Variants in GASK1A observed in about 807,000 individuals in gnomAD.
The protein encoded by GASK1A is Golgi-associated kinase 1A.
A neutral mutation model predicts 41.2 loss-of-function variants in GASK1A; 40 were observed. The observed-to-expected ratio is 0.97, with a 90% confidence interval of 0.75 to 1.27. The LOEUF is 1.27. Ranked by LOEUF, GASK1A falls within the 50% of genes most tolerant of loss-of-function variation. The pLI is 0.00. For missense variants in GASK1A, 678 were observed against 745.1 expected, an observed-to-expected ratio of 0.91 and a Z score of 1.05; for synonymous variants, 316 against 307.1, an observed-to-expected ratio of 1.03 and a Z score of -0.30.
intron 1 of GASK1A, among the ~76,000 whole-genome samples, chr3:43,027,265 C>G (rs2089551181): frequency 6.6e-6 from 1 of 152,052 alleles, no homozygotes. Context: ...AGTGTGCATA[C>G]AATATATTAA....
intron 3 of GASK1A, chr3:43,053,854 G>C (rs1462029040): frequency 1.6e-5 from 11 of 685,862 alleles, no homozygotes; most frequent in Admixed American, 1.2e-4. Flanking sequence ...TGCCTGAGGA[G>C]GGGTGTGGGG....
intron 1 of GASK1A, among the ~76,000 whole-genome samples, chr3:42,980,168 T>C (rs995714815): frequency 6.6e-6 from 1 of 152,184 alleles, no homozygotes; most frequent in Non-Finnish European, 1.5e-5. Flanking sequence ...CAATCCGCCT[T>C]CCTCTACCTC....
Position 43,046,372 on chromosome 3 carries a change from A to G in GASK1A, c.1291-7149A>G, listed in dbSNP as rs913336216. On this transcript the variant is annotated intron_variant, in intron 2 of 4. Coordinates refer to ENST00000430121, the MANE Select transcript of GASK1A (RefSeq NM_001129908.3). The stretch of plus-strand genomic sequence containing the variant: ...ACTGGCGGCATTTTGCCCCTGCCCT[A>G]GAGATCTGTGGAACTTTGAACTTGA... 5.9e-5 allele frequency among the ~76,000 whole-genome samples: 9 copies of G among 152,360 alleles called. No homozygotes were observed. In the South Asian group the frequency reaches 6.2e-4, roughly 11 times the overall value.
intron 1 of GASK1A, among the ~76,000 whole-genome samples, chr3:43,021,360 C>T (rs1205954771): frequency 6.6e-6 from 1 of 152,190 alleles, no homozygotes; most frequent in African/African-American, 2.4e-5. Flanking sequence ...CTTCAGCAGA[C>T]AGTGAGAACT....
intron 1 of GASK1A, among the ~76,000 whole-genome samples, chr3:42,983,453 A>G (rs1461390440): frequency 2.0e-5 from 3 of 152,064 alleles, no homozygotes; most frequent in Non-Finnish European, 4.4e-5. Context: ...TTTACCCTCA[A>G]GTAGTTTTCT....
At position 42,984,296 on chromosome 3, in the gene GASK1A, A is replaced by C. The variant is rs201260724; in HGVS notation, c.3+4651A>C. ...CTTCTTTATGTGGATTTCACTTCCT[A>C]TCTCTCTCTCTCTCTCTTTCTCTCT... On this transcript the variant is annotated intron_variant, in intron 1 of 4. Transcript: ENST00000430121. This position sits in a 1 kb window ranked among gnomAD's most constrained non-coding sequence, Gnocchi z 4.2. Among the ~76,000 whole-genome samples the C allele has an allele frequency of 2.1e-4, 31 of 149,628 alleles. No individual in the cohort carries two copies. Among genetic ancestry groups the C allele is most frequent in the African/African-American group, 7.4e-4 (30 of 40,648 alleles).
chr3:42,991,399 TTAGA>T (rs1057158532), intron 1 of GASK1A, among the ~76,000 whole-genome samples: 1 of 152,088 alleles, frequency 6.6e-6, no homozygotes, highest in African/African-American at 2.4e-5. Context: ...CTCCATGCAC[TTAGA>T]TATATTATTC....
At chr3:43,042,194 C>T (rs1003974037) in intron 2 of GASK1A, among the ~76,000 whole-genome samples, 2 of 151,532 alleles carry the variant, frequency 1.3e-5, no homozygotes, top group African/African-American at 4.9e-5. Context: ...TCAGGTCAGG[C>T]GCAGTGGCTT....
rs71615418 is a variant in GASK1A, at chr3:42,997,440, G to C, written c.3+17795G>C. ...CGCATGAGAGAGAGACAGAGAGAGG[G>C]GGGGGGGATCTGGGATCCTTAGAAA... On this transcript the variant is annotated intron_variant, in intron 1 of 4. Transcript: ENST00000430121. Among the ~76,000 whole-genome samples the C allele has an allele frequency of 2.1e-3, 314 of 151,120 alleles. 8 individuals carry two copies. In the South Asian group the frequency reaches 0.062, roughly 30 times the overall value.
At chr3:43,054,539 G>A (rs1369064999) in intron 3 of GASK1A, among the ~76,000 whole-genome samples, 1 of 152,184 alleles carries the variant, frequency 6.6e-6, no homozygotes, top group Non-Finnish European at 1.5e-5. Context: ...CATGTGGAGT[G>A]GGGTGAGAAA....
At position 43,055,550 on chromosome 3, in the gene GASK1A, G is replaced by T. The variant is rs1305187112; in HGVS notation, c.1517+15G>T. 1.9e-6 allele frequency: 3 copies of T among 1,541,052 alleles called. No individual in the cohort carries two copies. Among genetic ancestry groups the T allele is most frequent in the Non-Finnish European group, 2.6e-6 (3 of 1,137,236 alleles). ...GGCATAGATGGGTGAGGGTCAAAAG[G>T]GTTGGGTGGAAGTTCATGGGACTGA... On this transcript the variant is annotated intron_variant, in intron 4 of 4. Transcript: ENST00000430121.
At position 43,056,525 on chromosome 3, in the gene GASK1A, TGGTGGA is replaced by T; in HGVS notation, c.*143_*148del. On this transcript the variant is annotated 3_prime_UTR_variant, in exon 5 of 5. Coordinates refer to ENST00000430121, the MANE Select transcript of GASK1A (RefSeq NM_001129908.3). ...CACGGGATATTTCACCTGCCTGGGA[TGGTGGA>T]GGTAGTATGGGGTTTTCAATCTCAA... is the stretch of plus-strand genomic sequence containing the variant. 2.7e-6 allele frequency: 2 copies of T among 732,134 alleles called. No homozygotes were observed. Among genetic ancestry groups the T allele is most frequent in the South Asian group, 4.7e-5 (2 of 42,264 alleles). The allele number at this position is 732,134 out of a possible 1,614,324, so 45.4% of individuals were successfully genotyped here.
chr3:43,012,712 T>G (rs1383348929), intron 1 of GASK1A, among the ~76,000 whole-genome samples: 1 of 148,402 alleles, frequency 6.7e-6, no homozygotes, highest in Non-Finnish European at 1.5e-5. Flanking sequence ...GAAGGAGCTG[T>G]GTGAAGTCAC....
At chr3:43,030,868 G>C (rs1239926864) in intron 1 of GASK1A, among the ~76,000 whole-genome samples, 3 of 152,144 alleles carry the variant, frequency 2.0e-5, no homozygotes, top group Admixed American at 1.3e-4. Context: ...AAAGCAGGGG[G>C]CTACTGAGGA....
At chr3:43,051,056 T>C (rs1171661020) in intron 2 of GASK1A, among the ~76,000 whole-genome samples, 1 of 152,232 alleles carries the variant, frequency 6.6e-6, no homozygotes, top group Non-Finnish European at 1.5e-5. Context: ...ATATTGGCCA[T>C]ACTTTGTTTC....
rs377651023 is a variant in GASK1A, at chr3:43,028,756, G to A, written c.4-3511G>A. Among the ~76,000 whole-genome samples the A allele has an allele frequency of 3.3e-5, 5 of 152,216 alleles. No individual in the cohort carries two copies. In the East Asian group the frequency reaches 9.6e-4, roughly 29 times the overall value. On this transcript the variant is annotated intron_variant, in intron 1 of 4. Transcript: ENST00000430121. The stretch of plus-strand genomic sequence containing the variant: ...GTCTAGAGGACCACACAACTTACAA[G>A]GAAAATATTCTCTAGGCTTTGTCTC...
chr3:42,992,896 T>G (rs1322298263), intron 1 of GASK1A, among the ~76,000 whole-genome samples: 1 of 152,168 alleles, frequency 6.6e-6, no homozygotes, highest in African/African-American at 2.4e-5. Flanking sequence ...TAAAGTGACG[T>G]ACAGGAATCG....
intron 2 of GASK1A, among the ~76,000 whole-genome samples, chr3:43,049,870 A>G (rs546647740): frequency 6.6e-6 from 1 of 152,282 alleles, no homozygotes; most frequent in East Asian, 1.9e-4. Context: ...AGGTCAGATT[A>G]CCAGCAATTT....
intron 1 of GASK1A, among the ~76,000 whole-genome samples, chr3:43,031,991 A>C (rs1375755726): frequency 2.0e-5 from 3 of 152,222 alleles, no homozygotes; most frequent in Non-Finnish European, 4.4e-5. Flanking sequence ...ATGGCAGTTT[A>C]TTCAAAGGGA....
Sources: allele counts gnomAD v4.1 joint callset (sites outside exome capture counted in the v4.1 genomes callset), GRCh38; gene constraint gnomAD v4.1.1; non-coding constraint Gnocchi (gnomAD v3.1); transcripts MANE v1.5; gene names NCBI Gene and HGNC (gene_info 2026-07-23, HGNC 2026-07-21).